The following ERC2 variants were observed in gnomAD, a reference collection of about 807,000 sequenced individuals.
The protein encoded by ERC2 is ELKS/RAB6-interacting/CAST family member 2, also known as ERC protein 2.
Under a neutral mutation model 114.8 loss-of-function variants are expected in ERC2, and 42 were observed. The observed-to-expected ratio is 0.37, with a 90% CI of 0.29 to 0.47. The LOEUF (loss-of-function observed/expected upper bound fraction) is 0.47. Among genes scored for constraint, ERC2 ranks in the 20% least tolerant of loss-of-function variants. The pLI, the probability that ERC2 is intolerant of heterozygous loss-of-function variation, is 0.99. For synonymous variants in ERC2, 454 were observed against 425.5 expected (o/e 1.07, Z -0.82); for missense variants, 939 against 1,150.7 (o/e 0.82, Z 2.66).
intron 16 of ERC2, among the ~76,000 whole-genome samples, chr3:55,687,562 G>A (rs752175339): frequency 6.6e-6 from 1 of 152,114 alleles, no homozygotes; most frequent in African/African-American, 2.4e-5. Flanking sequence ...ACTCAGCCAC[G>A]GTCTCTGCCT....
intron 3 of ERC2, among the ~76,000 whole-genome samples, chr3:56,283,607 A>G (rs922260995): frequency 1.3e-5 from 2 of 152,252 alleles, no homozygotes; most frequent in Non-Finnish European, 2.9e-5. Flanking sequence ...ATTCTATTTG[A>G]ATATGGATGA....
Position 55,543,949 on chromosome 3 carries a change from T to C in ERC2, c.*40-32673A>G, listed in dbSNP as rs534038946. On this transcript the variant is annotated intron_variant, in intron 17 of 17. Transcript: ENST00000288221. The stretch of plus-strand genomic sequence containing the variant: ...AGAACAAGAACCTGCCTGGCCTATT[T>C]CATCCGTTCAGGGAGGCCGATTCAC... 7.2e-5 allele frequency among the ~76,000 whole-genome samples: 11 copies of C among 152,246 alleles called. No individual in the cohort carries two copies. In the South Asian group the frequency reaches 2.3e-3, roughly 32 times the overall value.
At chr3:55,907,211 T>C (rs1036184580) in intron 13 of ERC2, among the ~76,000 whole-genome samples, 2 of 152,176 alleles carry the variant, frequency 1.3e-5, no homozygotes, top group African/African-American at 2.4e-5. Flanking sequence ...GTAGCTTTTA[T>C]ATGGTAAAGT....
intron 14 of ERC2, among the ~76,000 whole-genome samples, chr3:55,784,891 T>G (rs2069360085): frequency 6.6e-6 from 1 of 152,190 alleles, no homozygotes; most frequent in African/African-American, 2.4e-5. Flanking sequence ...GGTTGCTCAT[T>G]TATGCATCCA....
At chr3:55,973,250 G>A (rs1353464469) in intron 12 of ERC2, among the ~76,000 whole-genome samples, 3 of 152,124 alleles carry the variant, frequency 2.0e-5, no homozygotes, top group African/African-American at 4.8e-5. Flanking sequence ...GGAAACAAAA[G>A]GAAAGAAATG....
chr3:55,958,281 T>G (rs1007514971), intron 12 of ERC2, among the ~76,000 whole-genome samples: 1 of 152,198 alleles, frequency 6.6e-6, no homozygotes, highest in African/African-American at 2.4e-5. Context: ...AGGTAGCTCC[T>G]TCCCACAGCT....
At chr3:56,058,216 G>A (rs1395187803) in intron 7 of ERC2, among the ~76,000 whole-genome samples, 1 of 152,130 alleles carries the variant, frequency 6.6e-6, no homozygotes, top group African/African-American at 2.4e-5. Context: ...TTAACTTTTA[G>A]GGAGACATAC....
At chr3:55,980,449 A>T (rs1553760985) in intron 12 of ERC2, among the ~76,000 whole-genome samples, 1 of 152,218 alleles carries the variant, frequency 6.6e-6, no homozygotes, top group Non-Finnish European at 1.5e-5. Flanking sequence ...ATATGGAAGA[A>T]AGTCCAGTCA....
intron 3 of ERC2, among the ~76,000 whole-genome samples, chr3:56,213,206 G>A (rs954698344): frequency 7.9e-5 from 12 of 152,302 alleles, no homozygotes; most frequent in African/African-American, 2.9e-4. Flanking sequence ...ATGAGCCAAA[G>A]CAAGGCGAGG....
At chr3:56,132,142 C>T (rs2080241831) in intron 6 of ERC2, among the ~76,000 whole-genome samples, 2 of 152,184 alleles carry the variant, frequency 1.3e-5, no homozygotes, top group Admixed American at 1.3e-4. Flanking sequence ...TGAATGCATA[C>T]AGTCCCACAG....
chr3:56,352,135 T>A (rs942711785), intron 2 of ERC2, among the ~76,000 whole-genome samples: 2 of 152,182 alleles, frequency 1.3e-5, no homozygotes, highest in Non-Finnish European at 2.9e-5. Context: ...TCCGGATAAT[T>A]ACATGTCCAG....
chr3:56,282,752 T>C (rs1390650236), intron 3 of ERC2, among the ~76,000 whole-genome samples: 1 of 152,112 alleles, frequency 6.6e-6, no homozygotes, highest in Non-Finnish European at 1.5e-5. Flanking sequence ...TGAGATTCCA[T>C]GACCTCTATT....
chr3:56,249,791 A>T (rs2052005071), intron 3 of ERC2, among the ~76,000 whole-genome samples: 1 of 151,178 alleles, frequency 6.6e-6, no homozygotes, highest in Admixed American at 6.6e-5. Flanking sequence ...ATTAACTAAG[A>T]TTAGTATCCA....
At chr3:55,988,817 C>A (rs1202216264) in intron 11 of ERC2, among the ~76,000 whole-genome samples, 1 of 152,196 alleles carries the variant, frequency 6.6e-6, no homozygotes, top group Non-Finnish European at 1.5e-5. Flanking sequence ...TTGCTAAGAA[C>A]TCTTTAGTTG....
chr3:55,731,456 C>A (rs1310766016), intron 15 of ERC2, among the ~76,000 whole-genome samples: 2 of 152,208 alleles, frequency 1.3e-5, no homozygotes, highest in Non-Finnish European at 2.9e-5. Flanking sequence ...ATATGCAAAG[C>A]ACTTGGTTTA....
intron 2 of ERC2, among the ~76,000 whole-genome samples, chr3:56,345,595 G>A (rs2058274270): frequency 6.6e-6 from 1 of 152,190 alleles, no homozygotes; most frequent in Non-Finnish European, 1.5e-5. Context: ...TTTATACAAA[G>A]AGGAAGACTA....
chr3:55,516,134 A>T (rs62251460), intron 17 of ERC2, among the ~76,000 whole-genome samples: 1 of 152,118 alleles, frequency 6.6e-6, no homozygotes, highest in Non-Finnish European at 1.5e-5. Flanking sequence ...AGACTAATTA[A>T]CAACGGTTGG....
At chr3:55,596,368 G>A (rs1049694189) in intron 17 of ERC2, among the ~76,000 whole-genome samples, 2 of 152,146 alleles carry the variant, frequency 1.3e-5, no homozygotes, top group Non-Finnish European at 1.5e-5. Context: ...GATTGCTTGA[G>A]CCCAGGAGTT....
intron 17 of ERC2, among the ~76,000 whole-genome samples, chr3:55,650,042 C>T (rs2060550226): frequency 6.6e-6 from 1 of 152,174 alleles, no homozygotes; most frequent in South Asian, 2.1e-4. Context: ...GTGCCTCCAA[C>T]CCTCCAAGCC....
Sources: gnomAD v4.1 joint callset for allele counts (sites outside exome capture counted in the v4.1 genomes callset) on GRCh38, gnomAD v4.1.1 for gene constraint, MANE v1.5 for transcripts, NCBI Gene and HGNC (gene_info 2026-07-23, HGNC 2026-07-21) for gene names.